SAP30BP: variants seen among roughly 807,000 people sequenced by gnomAD.
SAP30BP encodes SAP30-binding protein.
A neutral mutation model predicts 46.3 loss-of-function variants in SAP30BP; 31 were observed. The observed-to-expected ratio is 0.67, with a 90% CI of 0.50 to 0.90. The LOEUF is 0.90. Ranked by LOEUF, SAP30BP falls within the 40% of genes least tolerant of loss-of-function variation. The pLI is 0.00. For missense variants in SAP30BP, 312 were observed against 391.0 expected (o/e 0.80, Z 1.70); for synonymous variants, 169 against 144.2 (o/e 1.17, Z -1.23).
intron 4 of SAP30BP, among the ~76,000 whole-genome samples, chr17:75,695,548 G>A (rs536467022): frequency 6.6e-5 from 10 of 152,282 alleles, no homozygotes; most frequent in African/African-American, 2.2e-4. Flanking sequence ...AAGCGGCATC[G>A]TTTTGATTAC....
At chr17:75,695,139 AT>A (rs1453308596) in intron 4 of SAP30BP, among the ~76,000 whole-genome samples, 5 of 152,206 alleles carry the variant, frequency 3.3e-5, no homozygotes, top group Non-Finnish European at 7.3e-5. Context: ...AGAATTTCCT[AT>A]AAATCAGGAT....
intron 5 of SAP30BP, 128 bp from the exon 6 acceptor site, chr17:75,702,352 C>T (rs2060425189): frequency 7.7e-6 from 4 of 518,994 alleles, no homozygotes; most frequent in Non-Finnish European, 1.1e-5. Context: ...AACATGAGGT[C>T]AAGTTGGGCT....
intron 3 of SAP30BP, among the ~76,000 whole-genome samples, chr17:75,685,145 G>A (rs1305965191): frequency 1.3e-5 from 2 of 152,182 alleles, no homozygotes; most frequent in East Asian, 3.9e-4. Flanking sequence ...CCTCCCATCA[G>A]CCGTGCAAGC....
At chr17:75,700,783 C>T (rs939195140) in intron 5 of SAP30BP, among the ~76,000 whole-genome samples, 5 of 152,236 alleles carry the variant, frequency 3.3e-5, no homozygotes, top group African/African-American at 1.2e-4. Flanking sequence ...AAGCTCCAGC[C>T]TGTAAGGACG....
At position 75,699,776 on chromosome 17, in the gene SAP30BP, T is replaced by TCAA. The variant is rs2060379168; in HGVS notation, c.308-4_308-2dup. 3.1e-6 allele frequency: 5 copies of TCAA among 1,609,638 alleles called. No individual in the cohort carries two copies. In the African/African-American group the frequency reaches 5.3e-5, roughly 17 times the overall value. ...ACCTACAGAATTTTTCCTTCTTCTC[T>TCAA]CAACAGCCTCCTTTTCTGAAAGAGT... is the stretch of plus-strand genomic sequence containing the variant. On this transcript the variant is annotated splice_polypyrimidine_tract_variant and splice_region_variant and intron_variant, in intron 4 of 10. Coordinates refer to ENST00000584667, the MANE Select transcript of SAP30BP (RefSeq NM_013260.8).
At chr17:75,693,241 T>C in intron 3 of SAP30BP, 199 bp from the exon 4 acceptor site, 1 of 574,192 alleles carries the variant, frequency 1.7e-6, no homozygotes, top group East Asian at 3.0e-5. Flanking sequence ...CTCGGGAGCA[T>C]CCGGCTGCTG....
Position 75,706,130 on chromosome 17 carries a change from T to C in SAP30BP, c.745+38T>C. 6.3e-7 allele frequency: 1 copy of C among 1,594,786 alleles called. No individual in the cohort carries two copies. Among genetic ancestry groups the C allele is most frequent in the Non-Finnish European group, 8.5e-7 (1 of 1,171,002 alleles). On this transcript the variant is annotated intron_variant, in intron 10 of 10. Transcript: ENST00000584667. This position sits in a 1 kb window ranked among gnomAD's most constrained non-coding sequence, Gnocchi z 4.6. The stretch of plus-strand genomic sequence containing the variant: ...GCTGCCCTGCCTCCTGCCACACACA[T>C]GGAGCCAGGGTCTCCCTGGCTTGTT...
intron 4 of SAP30BP, 150 bp downstream of exon 4, chr17:75,693,632 C>T: frequency 6.4e-6 from 4 of 628,154 alleles, no homozygotes; most frequent in South Asian, 2.1e-5. Context: ...TTGGCATTTC[C>T]TAGGATGCCC....
chr17:75,668,311 C>T, intron 1 of SAP30BP: 1 of 511,244 alleles, frequency 2.0e-6, no homozygotes, highest in Non-Finnish European at 3.4e-6. Context: ...TGTTCCCTGA[C>T]CTTTTAATGA....
chr17:75,698,384 C>T lies in SAP30BP; in HGVS notation c.308-1399C>T, dbSNP rs531091976. Among the ~76,000 whole-genome samples the T allele has an allele frequency of 2.6e-5, 4 of 152,350 alleles. No homozygotes were observed. In the East Asian group the frequency reaches 7.7e-4, roughly 29 times the overall value. ...AGGCCATTTTGTTTACTTTGGGACC[C>T]AAAACTTAGGGAACCCTGAATTCTG... On this transcript the variant is annotated intron_variant, in intron 4 of 10. Transcript: ENST00000584667.
At position 75,706,316 on chromosome 17, in the gene SAP30BP, T is replaced by G. The variant is rs1453540100; in HGVS notation, c.746-24T>G. The stretch of plus-strand genomic sequence containing the variant: ...GGCACCGCTCATTGGTGGATCGTGA[T>G]CCTGATTTCTGCTTTATCTCCAGAT... On this transcript the variant is annotated intron_variant, in intron 10 of 10. Transcript: ENST00000584667. The surrounding 1 kb of genome is among the most constrained non-coding windows in gnomAD (Gnocchi z 4.6). The G allele has an allele frequency of 6.2e-7, 1 of 1,607,902 alleles. No homozygotes were observed. Among genetic ancestry groups the G allele is most frequent in the Non-Finnish European group, 8.5e-7 (1 of 1,177,802 alleles).
At chr17:75,673,060 C>T (rs1458809195) in intron 3 of SAP30BP, among the ~76,000 whole-genome samples, 1 of 151,840 alleles carries the variant, frequency 6.6e-6, no homozygotes, top group African/African-American at 2.4e-5. Context: ...AAATCTAAAA[C>T]AGTAATATTC....
intron 3 of SAP30BP, among the ~76,000 whole-genome samples, chr17:75,677,245 C>T (rs1201943194): frequency 1.3e-5 from 2 of 150,330 alleles, no homozygotes; most frequent in South Asian, 2.1e-4. Flanking sequence ...AGCTGGGATA[C>T]AGGCACGCGC....
chr17:75,696,994 A>G (rs918192232), intron 4 of SAP30BP, among the ~76,000 whole-genome samples: 3 of 151,718 alleles, frequency 2.0e-5, no homozygotes, highest in Non-Finnish European at 4.4e-5. Context: ...AGCCAGGATG[A>G]TCTCGATCTC....
Position 75,699,914 on chromosome 17 carries a change from G to T in SAP30BP, c.396+43G>T, listed in dbSNP as rs368515585. ...CTACTGAGGTCGGATAGATTAGATAGCCTGGGTTACGTGTTTGGTTTGGTC... is the reference window on the plus strand; with the variant it reads ...CTACTGAGGTCGGATAGATTAGATATCCTGGGTTACGTGTTTGGTTTGGTC... On this transcript the variant is annotated intron_variant, in intron 5 of 10. Coordinates refer to ENST00000584667, the MANE Select transcript of SAP30BP (RefSeq NM_013260.8). The T allele has an allele frequency of 1.0e-4, 148 of 1,410,118 alleles. No individual in the cohort carries two copies. The East Asian group carries it at 3.3e-3, about 32-fold the overall frequency. 87.4% of individuals were successfully genotyped at this position (1,410,118 alleles called of 1,614,324 possible).
At chr17:75,690,797 C>T (rs1485801121) in intron 3 of SAP30BP, 1 of 456,044 alleles carries the variant, frequency 2.2e-6, no homozygotes, top group South Asian at 1.5e-5. Flanking sequence ...AGGCAGATTC[C>T]CAGATTGATT....
intron 4 of SAP30BP, among the ~76,000 whole-genome samples, chr17:75,694,780 C>T (rs1257512046): frequency 6.6e-6 from 1 of 152,226 alleles, no homozygotes; most frequent in Non-Finnish European, 1.5e-5. Context: ...TGCCCTTGCT[C>T]TTGCTAGTAG....
At chr17:75,671,528 G>A (rs2059907607) in intron 2 of SAP30BP, among the ~76,000 whole-genome samples, 1 of 152,208 alleles carries the variant, frequency 6.6e-6, no homozygotes, top group South Asian at 2.1e-4. Flanking sequence ...CCATTTTTAT[G>A]TATGTGACTT....
In SAP30BP at chr17:75,706,188, G is replaced by A. The variant is rs1288643431; in HGVS notation, c.745+96G>A. 1 of 1,559,588 alleles carries A rather than the reference G, an allele frequency of 6.4e-7. No homozygotes were observed. The highest frequency in any genetic ancestry group is 8.7e-7 in the Non-Finnish European group (1 of 1,155,564). The stretch of plus-strand genomic sequence containing the variant: ...CAGACAGCACGTGGATCTGGGCCTG[G>A]GCTCAGCCTTGCTACTTTGAGAAGC... On this transcript the variant is annotated intron_variant, in intron 10 of 10. Coordinates refer to ENST00000584667, the MANE Select transcript of SAP30BP (RefSeq NM_013260.8). The surrounding 1 kb of genome is among the most constrained non-coding windows in gnomAD (Gnocchi z 4.6).
Sources: allele counts gnomAD v4.1 joint callset (sites outside exome capture counted in the v4.1 genomes callset), GRCh38; gene constraint gnomAD v4.1.1; non-coding constraint Gnocchi (gnomAD v3.1); transcripts MANE v1.5; gene names NCBI Gene and HGNC (gene_info 2026-07-23, HGNC 2026-07-21).